LTAP1: variants seen among roughly 807,000 people sequenced by gnomAD.
The protein encoded by LTAP1 is lipid transport auxiliary protein 1, also known as HCV NS5A-transactivated protein 4.
At chr1:154,220,530 G>A in the LTAP1 span, 2 of 1,071,422 alleles carry the variant, frequency 1.9e-6, no homozygotes, top group East Asian at 4.9e-5. Context: ...CCTTACGGGG[G>A]AAGACCAAGC....
chr1:154,220,447 G>A, the LTAP1 span: 1 of 1,611,506 alleles, frequency 6.2e-7, no homozygotes, highest in East Asian at 2.2e-5. Context: ...GGTTTACCCC[G>A]CTGTCCTGGC....
chr1:154,213,746 T>C, the LTAP1 span: 1 of 575,436 alleles, frequency 1.7e-6, no homozygotes, highest in African/African-American at 1.9e-5. Flanking sequence ...GCAAAATCTC[T>C]AATCTAGTAC....
chr1:154,207,735 G>A, the LTAP1 span: 1 of 1,071,996 alleles, frequency 9.3e-7, no homozygotes, highest in East Asian at 2.4e-5. Flanking sequence ...TGCAGCAATA[G>A]TCACAAATAG....
chr1:154,212,199 A>G, the LTAP1 span: 1 of 1,092,910 alleles, frequency 9.1e-7, no homozygotes. Context: ...ATAGTCTAGA[A>G]CCTGACAACT....
At chr1:154,216,166 C>T in the LTAP1 span, among the ~76,000 whole-genome samples, 1 of 151,932 alleles carries the variant, frequency 6.6e-6, no homozygotes, top group Admixed American at 6.6e-5. Flanking sequence ...CTTGTGTGCC[C>T]ATCCCTCATT....
chr1:154,207,316 C>T, the LTAP1 span: 2 of 764,980 alleles, frequency 2.6e-6, no homozygotes, highest in African/African-American at 1.7e-5. Flanking sequence ...GCTCTAAGAA[C>T]TCTGGATACA....
chr1:154,218,316 TC>T, the LTAP1 span, among the ~76,000 whole-genome samples: 1 of 152,234 alleles, frequency 6.6e-6, no homozygotes, highest in Non-Finnish European at 1.5e-5. Context: ...ATTTATACTT[TC>T]ACTAGCAATG....
the LTAP1 span, among the ~76,000 whole-genome samples, chr1:154,210,163 G>A: frequency 6.7e-6 from 1 of 150,326 alleles, no homozygotes. Flanking sequence ...CTCAGCCTCT[G>A]GAATAGCTGG....
the LTAP1 span, chr1:154,212,216 G>T: frequency 8.2e-7 from 1 of 1,216,368 alleles, no homozygotes; most frequent in East Asian, 2.3e-5. Flanking sequence ...AACTCTTATG[G>T]TATCATGGAT....
the LTAP1 span, among the ~76,000 whole-genome samples, chr1:154,218,742 G>A: frequency 1.8e-4 from 27 of 151,944 alleles, no homozygotes; most frequent in Non-Finnish European, 7.4e-5. Flanking sequence ...CTTTATAGTC[G>A]TGAACAAAAC....
chr1:154,212,268 A>G, the LTAP1 span: 3 of 1,588,036 alleles, frequency 1.9e-6, no homozygotes, highest in South Asian at 2.2e-5. Context: ...CTGTGGCAAC[A>G]GTCCAACACT....
the LTAP1 span, chr1:154,219,846 T>C: frequency 2.4e-5 from 38 of 1,607,172 alleles, no homozygotes; most frequent in South Asian, 9.0e-5. Flanking sequence ...CTTGGGGGCA[T>C]TGTGTCCCAC....
chr1:154,217,996 C>T, the LTAP1 span, among the ~76,000 whole-genome samples: 1 of 152,180 alleles, frequency 6.6e-6, no homozygotes, highest in African/African-American at 2.4e-5. Context: ...TCAGTGCAAT[C>T]ATAGCTCACT....
the LTAP1 span, among the ~76,000 whole-genome samples, chr1:154,209,714 G>A: frequency 7.3e-5 from 11 of 151,306 alleles, no homozygotes; most frequent in South Asian, 1.7e-3. Context: ...AGCCTCCCAC[G>A]TAGCTGGGAC....
At chr1:154,213,853 T>C in the LTAP1 span, 2 of 1,577,886 alleles carry the variant, frequency 1.3e-6, no homozygotes, top group South Asian at 1.1e-5. Flanking sequence ...CTAGGTGGGC[T>C]TTCAGGATCC....
the LTAP1 span, among the ~76,000 whole-genome samples, chr1:154,214,237 T>C: frequency 5.3e-5 from 8 of 151,986 alleles, no homozygotes; most frequent in East Asian, 7.7e-4. Context: ...GACTGCACCA[T>C]TGCACTCCAG....
chr1:154,212,111 C>T, the LTAP1 span: 1 of 559,218 alleles, frequency 1.8e-6, no homozygotes, highest in East Asian at 3.2e-5. Context: ...CCCGCCTCGG[C>T]CTCCCAAAGT....
At chr1:154,215,796 T>C in the LTAP1 span, among the ~76,000 whole-genome samples, 2 of 151,912 alleles carry the variant, frequency 1.3e-5, no homozygotes, top group African/African-American at 4.8e-5. Context: ...TGAACACCTA[T>C]AACCAATATC....
chr1:154,212,444 A>G, the LTAP1 span: 3 of 1,613,988 alleles, frequency 1.9e-6, no homozygotes. Flanking sequence ...GCCCCGAAGA[A>G]AAAACTGGCT....
Sources: gnomAD v4.1 joint callset for allele counts (sites outside exome capture counted in the v4.1 genomes callset) on GRCh38, gnomAD v4.1.1 for gene constraint, MANE v1.5 for transcripts, NCBI Gene and HGNC (gene_info 2026-07-23, HGNC 2026-07-21) for gene names.